Variants in INPP5D observed in about 807,000 individuals in gnomAD.
The protein encoded by INPP5D is phosphatidylinositol 3,4,5-trisphosphate 5-phosphatase 1.
A neutral mutation model predicts 122.9 loss-of-function variants in INPP5D; 33 were observed. That is an observed-to-expected ratio of 0.27 (90% CI 0.20 to 0.36). INPP5D has a LOEUF of 0.36. Ranked by LOEUF, INPP5D falls within the 10% of genes least tolerant of loss-of-function variation. The pLI is 1.00. For synonymous variants in INPP5D, 584 were observed against 576.2 expected (o/e 1.01, Z -0.19); for missense variants, 1,053 against 1,412.7 (o/e 0.75, Z 4.08).
intron 17 of INPP5D, among the ~76,000 whole-genome samples, chr2:233,172,565 C>T (rs1268463790): frequency 1.4e-5 from 2 of 145,352 alleles, no homozygotes; most frequent in African/African-American, 2.4e-5. Context: ...AATCACAAGG[C>T]GGAGCTGGCT....
At chr2:233,075,755 C>T (rs562888902) in intron 1 of INPP5D, among the ~76,000 whole-genome samples, 5 of 152,120 alleles carry the variant, frequency 3.3e-5, no homozygotes, top group Middle Eastern at 6.8e-3. Context: ...TTGTGTGTGG[C>T]GGGGCTGATG....
chr2:233,122,060 A>G, intron 2 of INPP5D, 47 bp from the exon 3 acceptor site: 1 of 1,604,640 alleles, frequency 6.2e-7, no homozygotes, highest in Non-Finnish European at 8.5e-7. Flanking sequence ...GTTGGCTGAC[A>G]TTCTAGTTGG....
intron 22 of INPP5D, among the ~76,000 whole-genome samples, chr2:233,192,504 C>G (rs1392485564): frequency 1.3e-5 from 2 of 152,142 alleles, no homozygotes; most frequent in African/African-American, 4.8e-5. Flanking sequence ...TACTCTGCTT[C>G]CCTCACCTGG....
chr2:233,077,680 A>AC (rs1341360865), intron 1 of INPP5D, among the ~76,000 whole-genome samples: 1 of 150,422 alleles, frequency 6.6e-6, no homozygotes, highest in African/African-American at 2.4e-5. Flanking sequence ...AAAAAAAAAA[A>AC]AAAAAACTCT....
At chr2:233,081,041 A>G (rs1267250741) in intron 2 of INPP5D, among the ~76,000 whole-genome samples, 1 of 152,188 alleles carries the variant, frequency 6.6e-6, no homozygotes, top group African/African-American at 2.4e-5. Context: ...TGCAGCCTCT[A>G]AGGCACATCT....
chr2:233,142,216 C>T (rs1004197660), intron 6 of INPP5D, among the ~76,000 whole-genome samples: 1 of 152,226 alleles, frequency 6.6e-6, no homozygotes, highest in Non-Finnish European at 1.5e-5. Flanking sequence ...CATGCTGCCA[C>T]ACTCCCCTCC....
intron 1 of INPP5D, among the ~76,000 whole-genome samples, chr2:233,071,504 T>C (rs187933312): frequency 1.8e-4 from 27 of 152,278 alleles, no homozygotes; most frequent in African/African-American, 6.3e-4. Flanking sequence ...TTTTATAAAA[T>C]ATTTTATTTT....
chr2:233,094,444 T>C (rs1009809832), intron 2 of INPP5D, among the ~76,000 whole-genome samples: 11 of 130,582 alleles, frequency 8.4e-5, no homozygotes, highest in Admixed American at 3.9e-4. Context: ...TCCCGGCAGG[T>C]AGAGGTTGCA....
chr2:233,144,907 T>C (rs1315525551), intron 6 of INPP5D, among the ~76,000 whole-genome samples: 7 of 151,964 alleles, frequency 4.6e-5, no homozygotes, highest in African/African-American at 1.7e-4. Context: ...ATAGTAAAAG[T>C]AGTATACTAA....
At chr2:233,175,500 G>A (rs1694597522) in intron 17 of INPP5D, among the ~76,000 whole-genome samples, 1 of 152,112 alleles carries the variant, frequency 6.6e-6, no homozygotes, top group South Asian at 2.1e-4. Flanking sequence ...AGGCTTATGA[G>A]GGAAGCTTTA....
intron 2 of INPP5D, among the ~76,000 whole-genome samples, chr2:233,096,475 A>C (rs950918274): frequency 2.1e-4 from 32 of 152,058 alleles, no homozygotes; most frequent in African/African-American, 7.2e-4. Context: ...AACATGGTGA[A>C]ATGCCAACTC....
At position 233,152,032 on chromosome 2, in the gene INPP5D, G is replaced by A. The variant is rs1236696672; in HGVS notation, c.1030+4438G>A. ...TGCTGAGAGGCAGTGTGGTTCAAGA[G>A]TGGGTGCTCTAGGTAAACCGGATGC... On this transcript the variant is annotated intron_variant, in intron 9 of 26. Coordinates refer to ENST00000445964, the MANE Select transcript of INPP5D (RefSeq NM_001017915.3). Among the ~76,000 whole-genome samples, 5 of 152,224 alleles carry A rather than the reference G, an allele frequency of 3.3e-5. No individual in the cohort carries two copies. The East Asian group carries it at 5.8e-4, about 18-fold the overall frequency.
intron 13 of INPP5D, among the ~76,000 whole-genome samples, chr2:233,165,733 TGTGA>T (rs1359651488): frequency 1.4e-4 from 21 of 151,580 alleles, no homozygotes; most frequent in Middle Eastern, 3.4e-3. Context: ...TCTATGAGTG[TGTGA>T]GTATCTGTGA....
intron 2 of INPP5D, among the ~76,000 whole-genome samples, chr2:233,107,674 T>C (rs1349360403): frequency 2.6e-5 from 4 of 152,086 alleles, no homozygotes; most frequent in African/African-American, 9.7e-5. Context: ...CCAGCTCCAC[T>C]AGTGCCAGGG....
At chr2:233,079,289 CG>C (rs766906061) in intron 1 of INPP5D, 45 bp from the exon 2 acceptor site, 1 of 1,194,256 alleles carries the variant, frequency 8.4e-7, no homozygotes, top group South Asian at 1.2e-5. Flanking sequence ...AAGAGGAAAC[CG>C]GGTCTTCCTG....
In INPP5D at chr2:233,125,869, G is replaced by C. The variant is rs768572195; in HGVS notation, c.474G>C (p.Pro158=). 116 of 1,613,774 alleles carry C rather than the reference G, an allele frequency of 7.2e-5. No homozygotes were observed. Among genetic ancestry groups the C allele is most frequent in the Non-Finnish European group, 9.7e-5 (114 of 1,179,884 alleles). The part of the protein sequence containing the change: ...ENPRATETSR[P]SLSETLFQRL... ...CCCGAGCGACCGAGACCAGCCGGCC[G>C]AGCCTCTCCGAGACATTGTTCCAGC... The change falls in exon 4 of 27, where the codon CCG becomes CCC. Residue 158 remains proline (P), a synonymous_variant. Coordinates refer to ENST00000445964, the MANE Select transcript of INPP5D (RefSeq NM_001017915.3).
chr2:233,100,093 C>A lies in INPP5D; in HGVS notation c.198+20695C>A, dbSNP rs1692265048. ...CGACACGTGGGAATTGTGGGAGTTACAATTCAAGATGAGATTTGGGTGGGG... is the reference window on the plus strand; with the variant it reads ...CGACACGTGGGAATTGTGGGAGTTAAAATTCAAGATGAGATTTGGGTGGGG... On this transcript the variant is annotated intron_variant, in intron 2 of 26. Transcript: ENST00000445964. This position sits in a 1 kb window ranked among gnomAD's most constrained non-coding sequence, Gnocchi z 5.3. Among the ~76,000 whole-genome samples the A allele has an allele frequency of 1.3e-5, 2 of 152,202 alleles. No homozygotes were observed. Among genetic ancestry groups the A allele is most frequent in the Admixed American group, 6.5e-5 (1 of 15,282 alleles).
intron 25 of INPP5D, among the ~76,000 whole-genome samples, chr2:233,203,235 C>T (rs981705207): frequency 4.6e-5 from 7 of 151,922 alleles, no homozygotes; most frequent in African/African-American, 7.3e-5. Context: ...AATGCTGGGT[C>T]GGAGCAGAAT....
chr2:233,090,403 A>G (rs891758520), intron 2 of INPP5D, among the ~76,000 whole-genome samples: 1 of 152,176 alleles, frequency 6.6e-6, no homozygotes, highest in Non-Finnish European at 1.5e-5. Context: ...GTCTGAGTCA[A>G]GAGACCCTGC....
Sources: gnomAD v4.1 joint callset for allele counts (sites outside exome capture counted in the v4.1 genomes callset) on GRCh38, gnomAD v4.1.1 for gene constraint, Gnocchi (gnomAD v3.1) non-coding constraint, MANE v1.5 for transcripts, NCBI Gene and HGNC (gene_info 2026-07-23, HGNC 2026-07-21) for gene names.